Variants in DCX observed in about 807,000 individuals in gnomAD.
DCX encodes doublecortin.
A neutral mutation model predicts 20.9 loss-of-function variants in DCX; 4 were observed. The ratio of observed to expected loss-of-function variants is 0.19; its 90% CI spans 0.09 to 0.44. The LOEUF (loss-of-function observed/expected upper bound fraction) is 0.44, where lower values mean the gene tolerates loss of function less well. Ranked by LOEUF, DCX falls within the 20% of genes least tolerant of loss-of-function variation. DCX has a pLI of 0.99. For synonymous variants in DCX, 103 were observed against 111.4 expected (o/e 0.92, Z 0.47); for missense variants, 133 against 296.9 (o/e 0.45, Z 4.06).
chrX:111,348,396 G>T lies in DCX; in HGVS notation c.706-15243C>A, dbSNP rs184555035. Among the ~76,000 whole-genome samples, 405 of 111,974 alleles carry T rather than the reference G, an allele frequency of 3.6e-3. 3 individuals carry two copies. Among genetic ancestry groups the T allele is most frequent in the African/African-American group, 0.013 (385 of 30,795 alleles). ...GAGCTAGGCAATACCAGCCTGATTG[G>T]AAGGCTGGCAGCCCCTCGATGCTCA... On this transcript the variant is annotated intron_variant, in intron 3 of 6. Coordinates refer to ENST00000636035, the MANE Select transcript of DCX (RefSeq NM_001195553.2).
At chrX:111,358,335 A>G (rs2147686475) in intron 3 of DCX, among the ~76,000 whole-genome samples, 1 of 112,067 alleles carries the variant, frequency 8.9e-6, no homozygotes, top group African/African-American at 3.2e-5. Flanking sequence ...AGGAATGTTG[A>G]CAAAATGAAG....
chrX:111,346,327 AGGATAAACAAAATGT>A (rs1160645988), intron 3 of DCX, among the ~76,000 whole-genome samples: 1 of 112,481 alleles, frequency 8.9e-6, no homozygotes, highest in East Asian at 2.8e-4. Context: ...ACAGATGAAA[AGGATAAACAAAATGT>A]GGTATATCCA....
At chrX:111,377,354 T>C (rs768690366) in intron 3 of DCX, among the ~76,000 whole-genome samples, 33 of 111,827 alleles carry the variant, frequency 3.0e-4, no homozygotes, top group Non-Finnish European at 5.5e-4. Flanking sequence ...AGGTTCTTTG[T>C]GCTGAGAAAT....
rs148472336 is a variant in DCX, at chrX:111,410,303, G to A, written c.96C>T (p.Ser32=). ...RMNGLPSPTH[S]AHCSFYRTRT... ...TGGTTCGGTAGAAGCTACAGTGGGCGCTGTGAGTGGGGCTAGGCAACCCAT... is the reference window on the plus strand; with the variant it reads ...TGGTTCGGTAGAAGCTACAGTGGGCACTGTGAGTGGGGCTAGGCAACCCAT... Residue 32 remains serine (S), a synonymous_variant, in exon 2 of 7, where the codon AGC becomes AGT. Transcript: ENST00000636035. The A allele has an allele frequency of 1.1e-4, 137 of 1,209,384 alleles. 3 individuals carry two copies. The African/African-American group carries it at 1.7e-3, about 15-fold the overall frequency.
chrX:111,347,382 G>A lies in DCX; in HGVS notation c.706-14229C>T, dbSNP rs779619615. Among the ~76,000 whole-genome samples the A allele has an allele frequency of 6.3e-5, 7 of 111,028 alleles. No homozygotes were observed. In the East Asian group the frequency reaches 2.0e-3, roughly 31 times the overall value. On this transcript the variant is annotated intron_variant, in intron 3 of 6. Transcript: ENST00000636035. Reference sequence around the variant, plus strand: ...TAAAATCCATTTCTTTGAGTGCCTGGATCATTATATGATGAGTTTTGTCTT... The same window carrying A: ...TAAAATCCATTTCTTTGAGTGCCTGAATCATTATATGATGAGTTTTGTCTT...
chrX:111,404,914 G>A (rs757378367), intron 2 of DCX, among the ~76,000 whole-genome samples: 2 of 112,098 alleles, frequency 1.8e-5, no homozygotes, highest in African/African-American at 6.5e-5. Flanking sequence ...GAGGTGTGTC[G>A]CACCTTTACA....
chrX:111,393,947 A>T (rs756649784), intron 3 of DCX, among the ~76,000 whole-genome samples: 1 of 111,849 alleles, frequency 8.9e-6, no homozygotes, highest in South Asian at 3.8e-4. Flanking sequence ...ACAGTTTCAT[A>T]AAATTTTAAA....
intron 5 of DCX, among the ~76,000 whole-genome samples, chrX:111,317,957 C>A (rs138881208): frequency 0.019 from 2,081 of 110,223 alleles, 66 homozygotes; most frequent in African/African-American, 0.065. Context: ...GAGGCTGAGG[C>A]AGGCTGATCA....
chrX:111,353,485 C>T (rs986345353), intron 3 of DCX, among the ~76,000 whole-genome samples: 21 of 111,739 alleles, frequency 1.9e-4, no homozygotes, highest in African/African-American at 6.8e-4. Flanking sequence ...ACAAGAAAGG[C>T]TGGCAAAGTG....
intron 3 of DCX, among the ~76,000 whole-genome samples, chrX:111,395,492 T>C (rs1215824502): frequency 1.8e-5 from 2 of 112,319 alleles, no homozygotes; most frequent in African/African-American, 6.5e-5. Flanking sequence ...AGGCTACACT[T>C]AGTCTTTTCT....
At chrX:111,327,765 G>A (rs760676274) in intron 5 of DCX, among the ~76,000 whole-genome samples, 34 of 112,141 alleles carry the variant, frequency 3.0e-4, no homozygotes, top group African/African-American at 1.1e-3. Flanking sequence ...TGGAAGTGGA[G>A]AGGGAAAATG....
At position 111,300,532 on chromosome X, in the gene DCX, T is replaced by C. The variant is rs189576806; in HGVS notation, c.*1155A>G. On this transcript the variant is annotated 3_prime_UTR_variant, in exon 7 of 7. Transcript: ENST00000636035. ...TATCAAAAAACTGATTCTATTGAAT[T>C]GGCCTCTGCTATTCATCTTGTTTTC... 8.9e-5 allele frequency: 10 copies of C among 112,287 alleles called. No individual in the cohort carries two copies. 9.3% of individuals were successfully genotyped at this position (112,287 alleles called of 1,213,427 possible).
chrX:111,331,582 C>T (rs1353384676), intron 4 of DCX, among the ~76,000 whole-genome samples: 2 of 111,907 alleles, frequency 1.8e-5, no homozygotes, highest in African/African-American at 3.2e-5. Context: ...AAGTTCTTTT[C>T]GATTTCCCAT....
intron 3 of DCX, among the ~76,000 whole-genome samples, chrX:111,386,269 C>T (rs765856335): frequency 9.0e-6 from 1 of 111,249 alleles, no homozygotes; most frequent in Admixed American, 9.6e-5. Flanking sequence ...ACCTCCATAC[C>T]GCTCGGTGAA....
intron 2 of DCX, among the ~76,000 whole-genome samples, chrX:111,402,300 G>A (rs1395316233): frequency 1.8e-5 from 2 of 111,854 alleles, no homozygotes; most frequent in Non-Finnish European, 3.8e-5. Context: ...AGGGATCAGA[G>A]GCAAGAGGAG....
At chrX:111,354,440 G>A (rs1923570524) in intron 3 of DCX, among the ~76,000 whole-genome samples, 1 of 111,935 alleles carries the variant, frequency 8.9e-6, no homozygotes, top group Non-Finnish European at 1.9e-5. Flanking sequence ...AAAGAAATAA[G>A]GCTGATGGCT....
intron 3 of DCX, among the ~76,000 whole-genome samples, chrX:111,377,235 T>C (rs1262838041): frequency 1.8e-5 from 2 of 111,725 alleles, no homozygotes; most frequent in Non-Finnish European, 3.8e-5. Flanking sequence ...CTCATTTCTA[T>C]GGAAAGTTTG....
chrX:111,302,057 A>G lies in DCX; in HGVS notation c.1045-314T>C, dbSNP rs757158323. ...GTGACCATCGCCACAGTCAAGATACAGAACTGTACCTTCAACACAAGGCTC... is the reference window on the plus strand; with the variant it reads ...GTGACCATCGCCACAGTCAAGATACGGAACTGTACCTTCAACACAAGGCTC... On this transcript the variant is annotated intron_variant, in intron 6 of 6. Transcript: ENST00000636035. Among the ~76,000 whole-genome samples the G allele has an allele frequency of 1.1e-4, 12 of 111,179 alleles. No homozygotes were observed. The East Asian group carries it at 3.4e-3, about 32-fold the overall frequency.
In DCX at chrX:111,316,716, G is replaced by A. The variant is rs189995376; in HGVS notation, c.947-3980C>T. 6.3e-5 allele frequency among the ~76,000 whole-genome samples: 7 copies of A among 111,598 alleles called. No individual in the cohort carries two copies. The Admixed American group carries it at 6.7e-4, about 11-fold the overall frequency. On this transcript the variant is annotated intron_variant, in intron 5 of 6. Coordinates refer to ENST00000636035, the MANE Select transcript of DCX (RefSeq NM_001195553.2). Reference sequence around the variant, plus strand: ...AAAACTCCTTGATCTCATAAACAATGTCAGCAAAGTCTCAGGATACAAAAT... The same window carrying A: ...AAAACTCCTTGATCTCATAAACAATATCAGCAAAGTCTCAGGATACAAAAT...
Sources: allele counts gnomAD v4.1 joint callset (sites outside exome capture counted in the v4.1 genomes callset), GRCh38; gene constraint gnomAD v4.1.1; transcripts MANE v1.5; gene names NCBI Gene and HGNC (gene_info 2026-07-23, HGNC 2026-07-21).